The following MAP3K9 variants were observed in gnomAD, a reference collection of about 807,000 sequenced individuals.
MAP3K9 encodes the protein mitogen-activated protein kinase kinase kinase 9, also known as mixed lineage kinase 1 (tyr and ser/thr specificity).
A neutral mutation model predicts 95.8 loss-of-function variants in MAP3K9; 46 were observed. That is an observed-to-expected ratio of 0.48 (90% CI 0.38 to 0.61). The LOEUF is 0.61. Ranked by LOEUF, MAP3K9 falls within the 20% of genes least tolerant of loss-of-function variation. MAP3K9 has a pLI of 0.00. For synonymous variants in MAP3K9, 533 were observed against 593.8 expected (o/e 0.90, Z 1.49); for missense variants, 1,296 against 1,474.3 (o/e 0.88, Z 1.98).
At chr14:70,768,578 G>C (rs963870670) in intron 2 of MAP3K9, among the ~76,000 whole-genome samples, 2 of 152,126 alleles carry the variant, frequency 1.3e-5, no homozygotes, top group African/African-American at 4.8e-5. Flanking sequence ...GACTTTCTTT[G>C]GGATTCAATG....
Position 70,726,882 on chromosome 14 carries a change from G to A in MAP3K9, c.*3498C>T, listed in dbSNP as rs1317014330. ...TGATACATACACCCAACTCCCTTGA[G>A]AGGAAAGCATGTGATGATTGCTTTT... On this transcript the variant is annotated 3_prime_UTR_variant, in exon 12 of 12. Coordinates refer to ENST00000554752, the MANE Select transcript of MAP3K9 (RefSeq NM_001284230.2). The A allele has an allele frequency of 6.6e-6, 1 of 152,280 alleles. No homozygotes were observed. Among genetic ancestry groups the A allele is most frequent in the Non-Finnish European group, 1.5e-5 (1 of 68,078 alleles). 9.4% of individuals were successfully genotyped at this position (152,280 alleles called of 1,614,324 possible).
chr14:70,754,579 C>T (rs2054273002), intron 3 of MAP3K9, among the ~76,000 whole-genome samples: 2 of 152,166 alleles, frequency 1.3e-5, no homozygotes, highest in South Asian at 4.1e-4. Flanking sequence ...TCACACCATT[C>T]TCCCGCCTCA....
chr14:70,738,215 A>G, intron 8 of MAP3K9, 30 bp downstream of exon 8: 1 of 1,581,224 alleles, frequency 6.3e-7, no homozygotes, highest in South Asian at 1.1e-5. Context: ...TCTTCAAGAG[A>G]GAAAGAATTT....
At chr14:70,792,859 G>A (rs2054821240) in intron 2 of MAP3K9, among the ~76,000 whole-genome samples, 1 of 152,238 alleles carries the variant, frequency 6.6e-6, no homozygotes, top group Non-Finnish European at 1.5e-5. Flanking sequence ...CTGCTGAGCT[G>A]AGGCCAATGG....
At chr14:70,776,704 C>G (rs966557416) in intron 2 of MAP3K9, among the ~76,000 whole-genome samples, 26 of 152,192 alleles carry the variant, frequency 1.7e-4, no homozygotes, top group Admixed American at 1.6e-3. Context: ...TAGCTGTTCA[C>G]TCGGGCCCCA....
At chr14:70,760,479 C>T (rs930324165) in intron 3 of MAP3K9, among the ~76,000 whole-genome samples, 4 of 152,114 alleles carry the variant, frequency 2.6e-5, no homozygotes, top group African/African-American at 9.7e-5. Flanking sequence ...CAGATAGAGC[C>T]TTGACTAAAA....
chr14:70,768,164 G>A (rs575016513), intron 2 of MAP3K9, among the ~76,000 whole-genome samples: 176 of 152,238 alleles, frequency 1.2e-3, no homozygotes, highest in African/African-American at 4.0e-3. Context: ...TGAGCTGCTT[G>A]TAACACAAAG....
At chr14:70,782,264 G>A (rs187746948) in intron 2 of MAP3K9, among the ~76,000 whole-genome samples, 121 of 152,194 alleles carry the variant, frequency 8.0e-4, no homozygotes, top group Middle Eastern at 3.4e-3. Context: ...TAAATTGACC[G>A]TATTTCTTAC....
At chr14:70,806,112 G>A (rs2054986892) in intron 1 of MAP3K9, among the ~76,000 whole-genome samples, 1 of 152,186 alleles carries the variant, frequency 6.6e-6, no homozygotes, top group South Asian at 2.1e-4. Context: ...CTCTGGCGAT[G>A]AAGTGTCAGT....
rs2053933771 is a variant in MAP3K9 at position 70,733,077 on chromosome 14, G to A, written c.2292C>T (p.Gly764=). The change falls in exon 11 of 12, where the codon GGC becomes GGT. Residue 764 remains glycine, a synonymous_variant. Transcript: ENST00000554752. ...CAGCTTCCAGCAAGTCAAACCCTAG[G>A]CCTGTGGCTGCCAGAACAGCCCCAC... ...LGCGAVLAAT[G]LGFDLLEAGK... 2 of 1,614,116 alleles carry A rather than the reference G, an allele frequency of 1.2e-6. No individual in the cohort carries two copies. Among genetic ancestry groups the A allele is most frequent in the East Asian group, 4.5e-5 (2 of 44,874 alleles).
At chr14:70,762,364 T>C (rs1286290215) in intron 2 of MAP3K9, among the ~76,000 whole-genome samples, 2 of 152,162 alleles carry the variant, frequency 1.3e-5, no homozygotes, top group South Asian at 2.1e-4. Flanking sequence ...AAGCAGACTA[T>C]GGGGGTTTCA....
chr14:70,802,899 A>C (rs36025596), intron 1 of MAP3K9, among the ~76,000 whole-genome samples: 91,148 of 151,778 alleles, frequency 0.6, 27,481 homozygotes, highest in South Asian at 0.66. Flanking sequence ...GGATATTTGA[A>C]CCCTCTGATT....
In MAP3K9 at chr14:70,732,809, T is replaced by A; in HGVS notation, c.2560A>T (p.Ser854Cys). ...ATCTCATACACGACAATTTCATCGCTGTCGGAGCGCAGCAGGGAGCGTGTG... is the reference window on the plus strand; with the variant it reads ...ATCTCATACACGACAATTTCATCGCAGTCGGAGCGCAGCAGGGAGCGTGTG... ...NSTRSLLRSDSDEIVVYEMPV... is the reference protein window; with the variant it reads ...NSTRSLLRSDCDEIVVYEMPV... The change falls in exon 11 of 12, where the codon AGC (serine) becomes TGC (cysteine). Residue 854 changes from serine to cysteine, a missense_variant. Ser to Cys is a moderately radical substitution (Grantham distance 112, BLOSUM62 -1). Coordinates refer to ENST00000554752, the MANE Select transcript of MAP3K9 (RefSeq NM_001284230.2). The A allele has an allele frequency of 6.2e-7, 1 of 1,614,074 alleles. No individual in the cohort carries two copies. The highest frequency in any genetic ancestry group is 1.3e-5 in the African/African-American group (1 of 74,996).
chr14:70,806,788 A>T (rs1278518527), intron 1 of MAP3K9, among the ~76,000 whole-genome samples: 2 of 152,226 alleles, frequency 1.3e-5, no homozygotes, highest in African/African-American at 4.8e-5. Context: ...CTTTGACATT[A>T]GCTGTCCCTG....
At chr14:70,787,407 C>T (rs958507559) in intron 2 of MAP3K9, among the ~76,000 whole-genome samples, 2 of 151,620 alleles carry the variant, frequency 1.3e-5, no homozygotes, top group African/African-American at 4.8e-5. Flanking sequence ...ACTCGGGAGG[C>T]TGAGGCAGGA....
In MAP3K9 at chr14:70,730,617, T is replaced by C; in HGVS notation, c.3078A>G (p.Thr1026=). ...AGGAGTCCAGGTTGCTGGGCGTCTC[T>C]GTGCTGGAGCTGTTGGCTGGGGAGG... ...RSTSPANSSS[T]ETPSNLDSCF... Residue 1026 remains threonine (T), a synonymous_variant, in exon 12 of 12, where the codon ACA becomes ACG. Coordinates refer to ENST00000554752, the MANE Select transcript of MAP3K9 (RefSeq NM_001284230.2). The C allele has an allele frequency of 6.2e-7, 1 of 1,613,950 alleles. No homozygotes were observed. The highest frequency in any genetic ancestry group is 1.1e-5 in the South Asian group (1 of 91,084).
chr14:70,730,091 AAAGGC>A lies in MAP3K9; in HGVS notation c.*284_*288del. Reference sequence around the variant, plus strand: ...CTGAGTGACTCTGCAGGGTCACTCTAAAGGCAAGGAAGACTGTGGAGGGTGGGGGA... The same window carrying A: ...CTGAGTGACTCTGCAGGGTCACTCTAAAGGAAGACTGTGGAGGGTGGGGGA... On this transcript the variant is annotated 3_prime_UTR_variant, in exon 12 of 12. Coordinates refer to ENST00000554752, the MANE Select transcript of MAP3K9 (RefSeq NM_001284230.2). 1 of 401,880 alleles carries A rather than the reference AAAGGC, an allele frequency of 2.5e-6. No individual in the cohort carries two copies. Among genetic ancestry groups the A allele is most frequent in the African/African-American group, 2.0e-5 (1 of 50,000 alleles). 24.9% of individuals were successfully genotyped at this position (401,880 alleles called of 1,614,324 possible).
chr14:70,804,914 G>C (rs960876365), intron 1 of MAP3K9, among the ~76,000 whole-genome samples: 1 of 152,178 alleles, frequency 6.6e-6, no homozygotes, highest in African/African-American at 2.4e-5. Flanking sequence ...AGAAAGAAGG[G>C]AGGGAGGAAG....
chr14:70,793,264 A>G (rs538419802), intron 2 of MAP3K9, among the ~76,000 whole-genome samples: 2 of 152,200 alleles, frequency 1.3e-5, no homozygotes, highest in Non-Finnish European at 2.9e-5. Context: ...AGAGGGGAGG[A>G]GGCAGAGGCG....
Sources: allele counts gnomAD v4.1 joint callset (sites outside exome capture counted in the v4.1 genomes callset), GRCh38; gene constraint gnomAD v4.1.1; transcripts MANE v1.5; gene names NCBI Gene and HGNC (gene_info 2026-07-23, HGNC 2026-07-21).